Variants in OSBPL9 observed in about 807,000 individuals in gnomAD.
OSBPL9 encodes the protein oxysterol binding protein like 9, also known as oxysterol-binding protein-related protein 9.
Under a neutral mutation model 106.6 loss-of-function variants are expected in OSBPL9, and 40 were observed. That is an observed-to-expected ratio of 0.38 (90% CI 0.29 to 0.49). The LOEUF (loss-of-function observed/expected upper bound fraction) is 0.49. Ranked by LOEUF, OSBPL9 falls within the 20% of genes least tolerant of loss-of-function variation. The pLI is 0.97. For missense variants in OSBPL9, 609 were observed against 887.2 expected, an observed-to-expected ratio of 0.69 and a Z score of 3.98; for synonymous variants, 269 against 295.4, an observed-to-expected ratio of 0.91 and a Z score of 0.92.
chr1:51,691,780 T>G (rs758714773), intron 3 of OSBPL9, among the ~76,000 whole-genome samples: 65 of 152,100 alleles, frequency 4.3e-4, no homozygotes, highest in Admixed American at 9.2e-4. Context: ...TTTTTTTAAA[T>G]GAAGATACAA....
At chr1:51,784,874 CTAAT>C in intron 20 of OSBPL9, 1 of 374,972 alleles carries the variant, frequency 2.7e-6, no homozygotes, top group Non-Finnish European at 4.8e-6. Flanking sequence ...TTATGGATCC[CTAAT>C]TTATTCTTGC....
the OSBPL9 span, among the ~76,000 whole-genome samples, chr1:51,531,216 T>C: frequency 6.6e-6 from 1 of 152,186 alleles, no homozygotes; most frequent in Non-Finnish European, 1.5e-5. Flanking sequence ...AGGCAGAGGT[T>C]GCAGTGAGCC....
chr1:51,760,666 C>T, intron 9 of OSBPL9, 24 bp from the exon 10 acceptor site: 2 of 1,612,970 alleles, frequency 1.2e-6, no homozygotes, highest in Non-Finnish European at 1.7e-6. Flanking sequence ...TTAAAAATAG[C>T]TATATTGTGT....
intron 4 of OSBPL9, among the ~76,000 whole-genome samples, chr1:51,728,989 C>A (rs1047012250): frequency 1.3e-5 from 2 of 152,202 alleles, no homozygotes; most frequent in African/African-American, 4.8e-5. Context: ...GGAAAAGGAG[C>A]TAGTCCTCCA....
At chr1:51,674,457 T>TAGGAGAGCAG (rs1220887157) in intron 3 of OSBPL9, among the ~76,000 whole-genome samples, 2 of 152,018 alleles carry the variant, frequency 1.3e-5, no homozygotes, top group East Asian at 3.9e-4. Context: ...ATAGAGAATA[T>TAGGAGAGCAG]AGGAGAGCAG....
At chr1:51,594,544 T>C (rs1455711373) in intron 1 of OSBPL9, among the ~76,000 whole-genome samples, 4 of 152,240 alleles carry the variant, frequency 2.6e-5, no homozygotes, top group African/African-American at 9.6e-5. Context: ...AACAAACGTT[T>C]ACTGCATGCC....
intron 1 of OSBPL9, among the ~76,000 whole-genome samples, chr1:51,589,703 A>G (rs1471693524): frequency 1.3e-5 from 2 of 151,794 alleles, no homozygotes; most frequent in African/African-American, 2.4e-5. Flanking sequence ...AAGAAAGCCA[A>G]TGTGGCTGGA....
At chr1:51,647,059 T>C (rs977773682) in intron 1 of OSBPL9, among the ~76,000 whole-genome samples, 2 of 152,254 alleles carry the variant, frequency 1.3e-5, no homozygotes, top group Non-Finnish European at 2.9e-5. Flanking sequence ...CCTTGGGCTT[T>C]TCATAGATGC....
chr1:51,588,804 A>G (rs1570532748), intron 1 of OSBPL9, among the ~76,000 whole-genome samples: 1 of 152,278 alleles, frequency 6.6e-6, no homozygotes, highest in East Asian at 1.9e-4. Flanking sequence ...GAAAAGGATA[A>G]TTTCCCAGGG....
chr1:51,728,334 AGAC>A, intron 4 of OSBPL9, among the ~76,000 whole-genome samples: 1 of 152,214 alleles, frequency 6.6e-6, no homozygotes, highest in South Asian at 2.1e-4. Flanking sequence ...AGATTCAAGA[AGAC>A]TTTAGTAAGA....
the OSBPL9 span, chr1:51,561,375 A>G: frequency 2.0e-5 from 3 of 152,170 alleles, no homozygotes; most frequent in Admixed American, 1.3e-4. Context: ...TCACAGTGTC[A>G]TATTTTCACC....
At chr1:51,554,078 C>A in the OSBPL9 span, among the ~76,000 whole-genome samples, 3 of 152,166 alleles carry the variant, frequency 2.0e-5, no homozygotes, top group African/African-American at 7.2e-5. Context: ...ATTGCTTGAG[C>A]CCAGGAGTTT....
At chr1:51,676,016 T>C (rs1407185643) in intron 3 of OSBPL9, among the ~76,000 whole-genome samples, 2 of 152,186 alleles carry the variant, frequency 1.3e-5, no homozygotes, top group African/African-American at 4.8e-5. Flanking sequence ...ATTAGAAAAC[T>C]GGGAGCCACA....
chr1:51,615,949 T>G (rs1484037037), upstream of OSBPL9, among the ~76,000 whole-genome samples: 1 of 151,946 alleles, frequency 6.6e-6, no homozygotes, highest in Admixed American at 6.6e-5. Flanking sequence ...CACTGCTGTA[T>G]TCCCAGGACC....
At chr1:51,713,434 G>A (rs1660480814) in intron 3 of OSBPL9, among the ~76,000 whole-genome samples, 1 of 152,172 alleles carries the variant, frequency 6.6e-6, no homozygotes, top group Non-Finnish European at 1.5e-5. Flanking sequence ...ACAGTCATGA[G>A]CCACTGCACC....
intron 2 of OSBPL9, among the ~76,000 whole-genome samples, chr1:51,659,597 G>C (rs541998151): frequency 4.7e-4 from 72 of 152,000 alleles, no homozygotes; most frequent in African/African-American, 1.7e-3. Flanking sequence ...CAACTGAACT[G>C]TGATTCTGTG....
At chr1:51,635,498 A>G (rs760564006) in intron 1 of OSBPL9, among the ~76,000 whole-genome samples, 2 of 152,206 alleles carry the variant, frequency 1.3e-5, no homozygotes. Context: ...CCCTCTGAGA[A>G]TAGCTATCTC....
At chr1:51,748,871 A>T (rs539882322) in intron 7 of OSBPL9, among the ~76,000 whole-genome samples, 11 of 152,202 alleles carry the variant, frequency 7.2e-5, no homozygotes, top group Non-Finnish European at 1.3e-4. Context: ...GGATCACCTG[A>T]GGTTGGGAGT....
chr1:51,638,775 A>C (rs1242847671), intron 1 of OSBPL9, among the ~76,000 whole-genome samples: 1 of 151,780 alleles, frequency 6.6e-6, no homozygotes, highest in Non-Finnish European at 1.5e-5. Flanking sequence ...GCACCACTGC[A>C]CTCCAGCCTA....
Sources: allele counts gnomAD v4.1 joint callset (sites outside exome capture counted in the v4.1 genomes callset), GRCh38; gene constraint gnomAD v4.1.1; transcripts MANE v1.5; gene names NCBI Gene and HGNC (gene_info 2026-07-23, HGNC 2026-07-21).